Variants in AGO3 observed in about 807,000 individuals in gnomAD.
AGO3 encodes the protein argonaute RISC catalytic component 3.
AGO3 carries 16 observed loss-of-function variants against 105.5 expected under a neutral mutation model. The observed-to-expected ratio is 0.15, with a 90% CI of 0.10 to 0.23. The LOEUF is 0.23. Ranked by LOEUF, AGO3 falls within the 10% of genes least tolerant of loss-of-function variation. AGO3 has a pLI of 1.00. For missense variants in AGO3, 534 were observed against 1,088.0 expected (o/e 0.49, Z 7.16); for synonymous variants, 340 against 367.3 (o/e 0.93, Z 0.85).
Position 35,973,650 on chromosome 1 carries a change from T to C in AGO3, c.658+139T>C, listed in dbSNP as rs1646907261. ...GTATTATGATCTACTGGAGAAACCT[T>C]TATATTTTTATTACATTTCATTTAG... On this transcript the variant is annotated intron_variant, in intron 5 of 18. Transcript: ENST00000373191. The C allele has an allele frequency of 3.1e-6, 3 of 974,682 alleles. No individual in the cohort carries two copies. The African/African-American group carries it at 5.2e-5, about 17-fold the overall frequency. 60.4% of individuals were successfully genotyped at this position (974,682 alleles called of 1,614,324 possible). A position where few individuals can be genotyped will look rare whatever the true frequency, so the allele number is the denominator to read the frequency against.
intron 1 of AGO3, among the ~76,000 whole-genome samples, chr1:35,939,422 A>G (rs948627378): frequency 2.6e-5 from 4 of 152,186 alleles, no homozygotes; most frequent in African/African-American, 9.7e-5. Context: ...TTTTAGAGAC[A>G]GATTCTGGCT....
chr1:36,002,390 C>T (rs1020018712), intron 5 of AGO3, among the ~76,000 whole-genome samples: 1 of 139,178 alleles, frequency 7.2e-6, no homozygotes, highest in Admixed American at 7.8e-5. Flanking sequence ...AGTGCAGTGG[C>T]GTGATCTCGG....
At chr1:36,018,940 C>A (rs928068795) in intron 11 of AGO3, among the ~76,000 whole-genome samples, 2 of 151,908 alleles carry the variant, frequency 1.3e-5, no homozygotes, top group Non-Finnish European at 2.9e-5. Context: ...GAGAAACTTA[C>A]CTCATTAGCT....
At chr1:36,038,660 G>A (rs1642120331) in intron 14 of AGO3, among the ~76,000 whole-genome samples, 1 of 152,146 alleles carries the variant, frequency 6.6e-6, no homozygotes, top group Non-Finnish European at 1.5e-5. Context: ...AAAGGGTCTG[G>A]AGGCAGTGAC....
intron 2 of AGO3, among the ~76,000 whole-genome samples, chr1:35,965,154 G>C (rs1440366007): frequency 6.6e-6 from 1 of 151,736 alleles, no homozygotes; most frequent in Non-Finnish European, 1.5e-5. Context: ...TGACAAAATG[G>C]TTAAAACATC....
chr1:36,007,162 G>T (rs1640373600), intron 6 of AGO3, among the ~76,000 whole-genome samples: 1 of 152,188 alleles, frequency 6.6e-6, no homozygotes, highest in South Asian at 2.1e-4. Context: ...TTGCCCTCTG[G>T]CTAAGAACCA....
chr1:36,067,872 A>G lies in AGO3; in HGVS notation c.*12127A>G, dbSNP rs1643114733. 6.6e-6 allele frequency: 1 copy of G among 152,116 alleles called. No individual in the cohort carries two copies. Among genetic ancestry groups the G allele is most frequent in the Admixed American group, 6.6e-5 (1 of 15,262 alleles). The allele number at this position is 152,116 out of a possible 1,614,324, so 9.4% of individuals were successfully genotyped here. ...TAGGAAAAGGACTTAGAGGCAGTTGATATAGAATTCTACTGGGGGTAAATG... is the reference window on the plus strand; with the variant it reads ...TAGGAAAAGGACTTAGAGGCAGTTGGTATAGAATTCTACTGGGGGTAAATG... On this transcript the variant is annotated 3_prime_UTR_variant, in exon 19 of 19. Coordinates refer to ENST00000373191, the MANE Select transcript of AGO3 (RefSeq NM_024852.4).
intron 6 of AGO3, among the ~76,000 whole-genome samples, chr1:36,005,195 T>A (rs1640280800): frequency 6.6e-6 from 1 of 152,206 alleles, no homozygotes; most frequent in African/African-American, 2.4e-5. Context: ...TGTTAGATCT[T>A]AAATAGCCAG....
chr1:35,939,664 C>G (rs973958623), intron 1 of AGO3, among the ~76,000 whole-genome samples: 6 of 152,116 alleles, frequency 3.9e-5, no homozygotes, highest in Non-Finnish European at 5.9e-5. Context: ...TTTAATCTTC[C>G]TTAACCTTAA....
intron 2 of AGO3, among the ~76,000 whole-genome samples, chr1:35,957,333 G>A (rs1646587031): frequency 1.3e-5 from 2 of 152,010 alleles, no homozygotes; most frequent in African/African-American, 2.4e-5. Flanking sequence ...TCCAGCCTGG[G>A]CGACAGAGCG....
intron 17 of AGO3, among the ~76,000 whole-genome samples, chr1:36,044,607 A>T (rs908053162): frequency 1.3e-5 from 2 of 151,382 alleles, no homozygotes; most frequent in Non-Finnish European, 2.9e-5. Context: ...TAATTTTTTT[A>T]TTTTTATTTT....
chr1:36,027,409 T>A lies in AGO3; in HGVS notation c.1591+111T>A. On this transcript the variant is annotated intron_variant, in intron 12 of 18. Coordinates refer to ENST00000373191, the MANE Select transcript of AGO3 (RefSeq NM_024852.4). The surrounding 1 kb of genome is among the most constrained non-coding windows in gnomAD (Gnocchi z 4.0). ...TATTAAAATATATTTTATGATACAGTATTTAAAACCATGTATTATTACTTG... is the reference window on the plus strand; with the variant it reads ...TATTAAAATATATTTTATGATACAGAATTTAAAACCATGTATTATTACTTG... 1 of 1,032,326 alleles carries A rather than the reference T, an allele frequency of 9.7e-7. No individual in the cohort carries two copies. Among genetic ancestry groups the A allele is most frequent in the Non-Finnish European group, 1.3e-6 (1 of 749,132 alleles). 63.9% of individuals were successfully genotyped at this position (1,032,326 alleles called of 1,614,324 possible).
chr1:35,944,365 G>C (rs539545088), intron 1 of AGO3, among the ~76,000 whole-genome samples: 14 of 151,730 alleles, frequency 9.2e-5, no homozygotes, highest in Non-Finnish European at 1.9e-4. Context: ...GTACTTTAGT[G>C]TATCAGTAAG....
Position 35,973,462 on chromosome 1 carries a change from C to T in AGO3, c.609C>T (p.Phe203=). 1 of 1,593,496 alleles carries T rather than the reference C, an allele frequency of 6.3e-7. No homozygotes were observed. The highest frequency in any genetic ancestry group is 8.6e-7 in the Non-Finnish European group (1 of 1,167,140). The change falls in exon 5 of 19, where the codon TTC becomes TTT. Residue 203 remains phenylalanine (F), a synonymous_variant. Coordinates refer to ENST00000373191, the MANE Select transcript of AGO3 (RefSeq NM_024852.4). ...GGGGCAGGGAAGTGTGGTTTGGATT[C>T]CATCAGTCTGTTCGGCCTGCCATGT... The part of the protein sequence containing the change: ...LGGGREVWFG[F]HQSVRPAMWK...
chr1:36,018,293 T>C (rs935560406), intron 11 of AGO3, among the ~76,000 whole-genome samples: 20 of 150,832 alleles, frequency 1.3e-4, no homozygotes, highest in African/African-American at 4.6e-4. Flanking sequence ...CTTTAAATTA[T>C]GATGTAGGTT....
In AGO3 at chr1:36,004,667, G is replaced by A. The variant is rs973274595; in HGVS notation, c.793+192G>A. 4.6e-5 allele frequency among the ~76,000 whole-genome samples: 7 copies of A among 152,054 alleles called. 1 individual carries two copies. The highest frequency in any genetic ancestry group is 7.4e-5 in the Non-Finnish European group (5 of 67,990). The stretch of plus-strand genomic sequence containing the variant: ...AGGTGGTATTTGAAAGAAATGCCAA[G>A]TAATGGAGTTAGTATCACTACCAGC... On this transcript the variant is annotated intron_variant, in intron 6 of 18. Coordinates refer to ENST00000373191, the MANE Select transcript of AGO3 (RefSeq NM_024852.4).
chr1:35,941,268 A>G (rs1557642065), intron 1 of AGO3, among the ~76,000 whole-genome samples: 1 of 151,934 alleles, frequency 6.6e-6, no homozygotes, highest in Non-Finnish European at 1.5e-5. Context: ...TTCCACATCC[A>G]CATCACTCCC....
At chr1:36,034,780 A>T (rs1261850396) in intron 13 of AGO3, among the ~76,000 whole-genome samples, 1 of 152,210 alleles carries the variant, frequency 6.6e-6, no homozygotes, top group African/African-American at 2.4e-5. Context: ...GAGACTACTC[A>T]CCTACCTGGA....
intron 5 of AGO3, among the ~76,000 whole-genome samples, chr1:35,997,524 A>G (rs756817164): frequency 1.3e-5 from 2 of 152,100 alleles, no homozygotes; most frequent in African/African-American, 4.8e-5. Flanking sequence ...TTGCCAGATG[A>G]TTTTGTCCAA....
Sources: gnomAD v4.1 joint callset for allele counts (sites outside exome capture counted in the v4.1 genomes callset) on GRCh38, gnomAD v4.1.1 for gene constraint, Gnocchi (gnomAD v3.1) non-coding constraint, MANE v1.5 for transcripts, NCBI Gene and HGNC (gene_info 2026-07-23, HGNC 2026-07-21) for gene names.